AUTS2: variants seen among roughly 807,000 people sequenced by gnomAD.
The protein encoded by AUTS2 is activator of transcription and developmental regulator AUTS2.
Under a neutral mutation model 112.4 loss-of-function variants are expected in AUTS2, and 17 were observed. The observed-to-expected ratio is 0.15, with a 90% CI of 0.10 to 0.23. AUTS2 has a LOEUF of 0.23. Ranked by LOEUF, AUTS2 falls within the 10% of genes least tolerant of loss-of-function variation. The pLI, the probability that AUTS2 is intolerant of heterozygous loss-of-function variation, is 1.00. For synonymous variants in AUTS2, 751 were observed against 702.7 expected, an observed-to-expected ratio of 1.07 and a Z score of -1.09; for missense variants, 1,510 against 1,701.6, an observed-to-expected ratio of 0.89 and a Z score of 1.98.
intron 6 of AUTS2, among the ~76,000 whole-genome samples, chr7:70,756,386 A>AG (rs1436564113): frequency 6.6e-6 from 1 of 152,202 alleles, no homozygotes. Flanking sequence ...TTAGAAGTGT[A>AG]GGAGTTCATC....
intron 4 of AUTS2, among the ~76,000 whole-genome samples, chr7:70,279,322 G>A (rs2129610207): frequency 6.6e-6 from 1 of 152,272 alleles, no homozygotes; most frequent in East Asian, 1.9e-4. Context: ...CCAGTAATGG[G>A]GGCCAAATGA....
chr7:70,084,950 G>A lies in AUTS2; in HGVS notation c.523-33182G>A, dbSNP rs147898415. Among the ~76,000 whole-genome samples the A allele has an allele frequency of 7.0e-3, 1,068 of 152,096 alleles. 13 individuals carry two copies. Among genetic ancestry groups the A allele is most frequent in the African/African-American group, 0.024 (1,011 of 41,490 alleles). Reference sequence around the variant, plus strand: ...TGCAGTGGCATGGTTATAGCTCACCGTAACCTTGAACTCCTGGGCTTCAGC... The same window carrying A: ...TGCAGTGGCATGGTTATAGCTCACCATAACCTTGAACTCCTGGGCTTCAGC... On this transcript the variant is annotated intron_variant, in intron 2 of 18. Coordinates refer to ENST00000342771, the MANE Select transcript of AUTS2 (RefSeq NM_015570.4).
In AUTS2 at chr7:70,033,331, G is replaced by A. The variant is rs1430417239; in HGVS notation, c.523-84801G>A. ...GTGTATAGTGAGTATGCATATGTTTGTAAAAGTATAATGTGTGTGATCCAA... is the reference window on the plus strand; with the variant it reads ...GTGTATAGTGAGTATGCATATGTTTATAAAAGTATAATGTGTGTGATCCAA... On this transcript the variant is annotated intron_variant, in intron 2 of 18. Transcript: ENST00000342771. Among the ~76,000 whole-genome samples the A allele has an allele frequency of 2.6e-5, 4 of 152,312 alleles. No individual in the cohort carries two copies. The East Asian group carries it at 7.7e-4, about 29-fold the overall frequency.
rs1430923324 is a variant in AUTS2, at chr7:70,496,653, CA to C, written c.690+60873del. Among the ~76,000 whole-genome samples, 248 of 142,416 alleles carry C rather than the reference CA, an allele frequency of 1.7e-3. 1 individual carries two copies. Among genetic ancestry groups the C allele is most frequent in the Non-Finnish European group, 3.3e-3 (212 of 65,132 alleles). 93.4% of individuals were successfully genotyped at this position (142,416 alleles called of 152,430 possible). On this transcript the variant is annotated intron_variant, in intron 5 of 18. Transcript: ENST00000342771. ...CACACACACACACCCCACACATGCACACGTCACATCAGCATCGATCACACAC... is the reference window on the plus strand; with the variant it reads ...CACACACACACACCCCACACATGCACCGTCACATCAGCATCGATCACACAC...
At chr7:70,760,090 C>T (rs939506815) in intron 6 of AUTS2, among the ~76,000 whole-genome samples, 2 of 151,938 alleles carry the variant, frequency 1.3e-5, no homozygotes, top group Middle Eastern at 3.4e-3. Flanking sequence ...ACTGCAACCT[C>T]TGCCTCCCAG....
chr7:70,547,402 C>T (rs761680212), intron 5 of AUTS2, among the ~76,000 whole-genome samples: 2 of 152,034 alleles, frequency 1.3e-5, no homozygotes, highest in Non-Finnish European at 2.9e-5. Context: ...TTACAGGCGC[C>T]CGCCACCACA....
At chr7:70,464,208 A>G (rs1797084257) in intron 5 of AUTS2, among the ~76,000 whole-genome samples, 1 of 152,094 alleles carries the variant, frequency 6.6e-6, no homozygotes, top group Non-Finnish European at 1.5e-5. Flanking sequence ...CTCTTCTGGA[A>G]CTCTTTCCAT....
intron 5 of AUTS2, among the ~76,000 whole-genome samples, chr7:70,669,577 A>G (rs955478081): frequency 1.3e-5 from 2 of 152,220 alleles, no homozygotes; most frequent in African/African-American, 4.8e-5. Context: ...CTAAGGTCAC[A>G]CAAGTAGGAT....
chr7:69,617,256 C>T (rs1193604650), intron 1 of AUTS2, among the ~76,000 whole-genome samples: 1 of 152,070 alleles, frequency 6.6e-6, no homozygotes, highest in Non-Finnish European at 1.5e-5. Context: ...GGTAAAATTG[C>T]TTTCATTATG....
At chr7:70,495,830 C>G (rs566674223) in intron 5 of AUTS2, among the ~76,000 whole-genome samples, 21 of 139,742 alleles carry the variant, frequency 1.5e-4, no homozygotes, top group African/African-American at 5.5e-4. Context: ...ATCGATCACA[C>G]ACCCCACTCA....
intron 6 of AUTS2, among the ~76,000 whole-genome samples, chr7:70,754,487 CA>C (rs1211936381): frequency 6.6e-6 from 1 of 151,862 alleles, no homozygotes; most frequent in African/African-American, 2.4e-5. Flanking sequence ...AGACTGTGTC[CA>C]AAAAAATAAA....
intron 1 of AUTS2, among the ~76,000 whole-genome samples, chr7:69,649,514 CT>C (rs369884048): frequency 3.7e-4 from 55 of 147,822 alleles, no homozygotes; most frequent in Non-Finnish European, 2.6e-4. Context: ...TCACTGTATG[CT>C]TTTTTTTTTG....
At chr7:70,142,991 T>C (rs1806942925) in intron 4 of AUTS2, among the ~76,000 whole-genome samples, 1 of 152,210 alleles carries the variant, frequency 6.6e-6, no homozygotes, top group Non-Finnish European at 1.5e-5. Flanking sequence ...TTATTGACTA[T>C]CACTCAGAAT....
At chr7:69,714,699 C>CT (rs985081933) in intron 1 of AUTS2, among the ~76,000 whole-genome samples, 2 of 151,964 alleles carry the variant, frequency 1.3e-5, no homozygotes, top group Non-Finnish European at 2.9e-5. Context: ...GTTCCTTTAC[C>CT]TTTCCATAGA....
At chr7:70,680,882 G>A (rs904178891) in intron 5 of AUTS2, among the ~76,000 whole-genome samples, 2 of 152,154 alleles carry the variant, frequency 1.3e-5, no homozygotes, top group Admixed American at 6.5e-5. Flanking sequence ...AGTTATAGGC[G>A]AGTGGCTATT....
chr7:70,392,388 T>C (rs1206041335), intron 4 of AUTS2, among the ~76,000 whole-genome samples: 3 of 152,158 alleles, frequency 2.0e-5, no homozygotes, highest in Non-Finnish European at 4.4e-5. Flanking sequence ...CAGATTTAAT[T>C]GAGGCTTCTG....
chr7:69,618,562 C>T (rs1381752843), intron 1 of AUTS2, among the ~76,000 whole-genome samples: 1 of 152,148 alleles, frequency 6.6e-6, no homozygotes, highest in Non-Finnish European at 1.5e-5. Flanking sequence ...GCCCCAGACA[C>T]CACCAGTGCC....
rs1585703712 is a variant in AUTS2, at chr7:70,790,733, G to A, written c.3517G>A (p.Ala1173Thr). The A allele has an allele frequency of 1.2e-6, 2 of 1,613,338 alleles. No individual in the cohort carries two copies. Among genetic ancestry groups the A allele is most frequent in the East Asian group, 4.5e-5 (2 of 44,826 alleles). The change falls in exon 19 of 19, where the codon GCC becomes ACC. Residue 1173 changes from alanine (A) to threonine (T), a missense_variant. Around this residue, in one of 3 missense-constraint regions of AUTS2, gnomAD observed 788 missense variants for 797.6 expected, o/e 0.99. Coordinates refer to ENST00000342771, the MANE Select transcript of AUTS2 (RefSeq NM_015570.4). This position sits in a 1 kb window ranked among gnomAD's most constrained non-coding sequence, Gnocchi z 7.6. ...EHTRLHSVHPASLDGHLPHPS... is the reference protein window; with the variant it reads ...EHTRLHSVHPTSLDGHLPHPS... Reference sequence around the variant, plus strand: ...CACGCGGCTCCACTCCGTGCACCCCGCCTCCCTCGACGGACACCTCCCCCA... The same window carrying A: ...CACGCGGCTCCACTCCGTGCACCCCACCTCCCTCGACGGACACCTCCCCCA...
chr7:70,450,348 C>T (rs1433027417), intron 5 of AUTS2, among the ~76,000 whole-genome samples: 1 of 152,142 alleles, frequency 6.6e-6, no homozygotes, highest in Non-Finnish European at 1.5e-5. Context: ...AAAAACTGAG[C>T]CATACTCTGT....
Sources: allele counts gnomAD v4.1 joint callset (sites outside exome capture counted in the v4.1 genomes callset), GRCh38; gene constraint gnomAD v4.1.1; regional missense constraint gnomAD v4.1.1; non-coding constraint Gnocchi (gnomAD v3.1); transcripts MANE v1.5; gene names NCBI Gene and HGNC (gene_info 2026-07-23, HGNC 2026-07-21).